The following VKORC1L1 variants were observed in gnomAD, a reference collection of about 807,000 sequenced individuals.
The protein encoded by VKORC1L1 is vitamin K epoxide reductase complex subunit 1L1, also known as vitamin K epoxide reductase complex subunit 1-like protein 1.
VKORC1L1 carries 2 observed loss-of-function variants against 18.9 expected under a neutral mutation model. That is an observed-to-expected ratio of 0.11 (90% CI 0.04 to 0.33). The LOEUF is 0.33. Ranked by LOEUF, VKORC1L1 falls within the 10% of genes least tolerant of loss-of-function variation. The pLI is 1.00. For synonymous variants in VKORC1L1, 96 were observed against 100.0 expected, an observed-to-expected ratio of 0.96 and a Z score of 0.24; for missense variants, 123 against 224.1, an observed-to-expected ratio of 0.55 and a Z score of 2.88.
intron 1 of VKORC1L1, among the ~76,000 whole-genome samples, chr7:65,915,093 CTT>C (rs35662337): frequency 1.1e-4 from 13 of 123,520 alleles, no homozygotes; most frequent in Admixed American, 1.7e-4. Context: ...TTTTTTTTTT[CTT>C]TTTTTTTTTT....
chr7:65,949,341 AGGT>A (rs781648765), intron 2 of VKORC1L1, among the ~76,000 whole-genome samples: 179 of 152,044 alleles, frequency 1.2e-3, no homozygotes, highest in Non-Finnish European at 2.1e-3. Flanking sequence ...TAGCTGGGCG[AGGT>A]GGTGCATGCC....
In VKORC1L1 at chr7:65,901,134, GA is replaced by G. The variant is rs1789308056; in HGVS notation, c.194+27576del. 5.3e-5 allele frequency among the ~76,000 whole-genome samples: 8 copies of G among 152,150 alleles called. No individual in the cohort carries two copies. In the South Asian group the frequency reaches 1.5e-3, roughly 28 times the overall value. On this transcript the variant is annotated intron_variant, in intron 1 of 2. Coordinates refer to ENST00000360768, the MANE Select transcript of VKORC1L1 (RefSeq NM_173517.6). The stretch of plus-strand genomic sequence containing the variant: ...TCAAACTAAGAAGAGTGAATTCCAA[GA>G]AAAAAAGGAGGAAAAATTTTGTTCG...
At chr7:65,938,005 C>G (rs1024302901) in intron 1 of VKORC1L1, among the ~76,000 whole-genome samples, 1 of 150,900 alleles carries the variant, frequency 6.6e-6, no homozygotes, top group African/African-American at 2.5e-5. Flanking sequence ...GTCAGGAGTT[C>G]GAGACCATCC....
chr7:65,903,805 C>G (rs1412219690), intron 1 of VKORC1L1, among the ~76,000 whole-genome samples: 4 of 148,230 alleles, frequency 2.7e-5, no homozygotes, highest in Admixed American at 2.7e-4. Context: ...CCTACTGGAA[C>G]TTGTTGCCAG....
intron 1 of VKORC1L1, among the ~76,000 whole-genome samples, chr7:65,916,328 C>T (rs1203376669): frequency 6.6e-6 from 1 of 151,968 alleles, no homozygotes; most frequent in Non-Finnish European, 1.5e-5. Flanking sequence ...GTTTGATGTG[C>T]TTCAATCCAT....
At position 65,959,406 on chromosome 7, in the gene VKORC1L1, A is replaced by G. The variant is rs974659903; in HGVS notation, c.*5106A>G. 6 of 152,240 alleles carry G rather than the reference A, an allele frequency of 3.9e-5. No homozygotes were observed. The highest frequency in any genetic ancestry group is 1.2e-4 in the African/African-American group (5 of 41,464). 9.4% of individuals were successfully genotyped at this position (152,240 alleles called of 1,614,324 possible). A position where few individuals can be genotyped will look rare whatever the true frequency, so the allele number is the denominator to read the frequency against. On this transcript the variant is annotated 3_prime_UTR_variant, in exon 3 of 3. Coordinates refer to ENST00000360768, the MANE Select transcript of VKORC1L1 (RefSeq NM_173517.6). ...TTGTCAACTAAAAGTTTTATTCATT[A>G]TACTTTGACATACTGGAACACAAAA...
At chr7:65,925,580 G>A (rs187048763) in intron 1 of VKORC1L1, among the ~76,000 whole-genome samples, 1 of 152,216 alleles carries the variant, frequency 6.6e-6, no homozygotes, top group African/African-American at 2.4e-5. Flanking sequence ...TTGAGGGTAG[G>A]GGCTGTCATT....
chr7:65,938,881 C>G (rs752748147), intron 1 of VKORC1L1, among the ~76,000 whole-genome samples: 16 of 152,288 alleles, frequency 1.1e-4, no homozygotes, highest in Middle Eastern at 3.4e-3. Flanking sequence ...TAGACCCAGA[C>G]TCCAAGCACT....
chr7:65,916,841 A>G (rs1789597452), intron 1 of VKORC1L1, among the ~76,000 whole-genome samples: 1 of 152,144 alleles, frequency 6.6e-6, no homozygotes, highest in African/African-American at 2.4e-5. Flanking sequence ...CAGGTGATCC[A>G]CCCACCTTGG....
chr7:65,947,578 A>G (rs1452453156), intron 1 of VKORC1L1, among the ~76,000 whole-genome samples: 2 of 152,222 alleles, frequency 1.3e-5, no homozygotes, highest in Non-Finnish European at 2.9e-5. Flanking sequence ...TGTTAAGTCA[A>G]ATGCAAGATT....
intron 1 of VKORC1L1, among the ~76,000 whole-genome samples, chr7:65,904,443 C>T (rs1407290158): frequency 1.3e-5 from 2 of 151,958 alleles, no homozygotes; most frequent in Admixed American, 6.6e-5. Flanking sequence ...GACCTCAAGT[C>T]ATCTGCCTGC....
At chr7:65,943,242 AT>A (rs779636505) in intron 1 of VKORC1L1, among the ~76,000 whole-genome samples, 3 of 151,980 alleles carry the variant, frequency 2.0e-5, no homozygotes, top group African/African-American at 4.8e-5. Flanking sequence ...ACAAAAAAAA[AT>A]GTTTTAAATT....
Position 65,956,656 on chromosome 7 carries a change from T to A in VKORC1L1, c.*2356T>A, listed in dbSNP as rs1790300581. 1 of 152,224 alleles carries A rather than the reference T, an allele frequency of 6.6e-6. No homozygotes were observed. The highest frequency in any genetic ancestry group is 2.4e-5 in the African/African-American group (1 of 41,452). 9.4% of individuals were successfully genotyped at this position (152,224 alleles called of 1,614,324 possible). Reference sequence around the variant, plus strand: ...CAGCATTGTAATGCCAGTGTCTCAGTAACAGAATCCTGGTGGGTGTTAATT... The same window carrying A: ...CAGCATTGTAATGCCAGTGTCTCAGAAACAGAATCCTGGTGGGTGTTAATT... On this transcript the variant is annotated 3_prime_UTR_variant, in exon 3 of 3. Coordinates refer to ENST00000360768, the MANE Select transcript of VKORC1L1 (RefSeq NM_173517.6).
intron 2 of VKORC1L1, among the ~76,000 whole-genome samples, chr7:65,951,582 A>AT (rs1790214467): frequency 1.3e-5 from 2 of 151,614 alleles, no homozygotes; most frequent in Non-Finnish European, 2.9e-5. Flanking sequence ...AGGAAAAAAA[A>AT]AATATATATA....
At chr7:65,928,111 T>A (rs1012510969) in intron 1 of VKORC1L1, among the ~76,000 whole-genome samples, 7 of 152,182 alleles carry the variant, frequency 4.6e-5, no homozygotes, top group Non-Finnish European at 8.8e-5. Context: ...AATTTTTTTT[T>A]AATGGGAAGA....
At chr7:65,875,803 A>T (rs1302535686) in intron 1 of VKORC1L1, among the ~76,000 whole-genome samples, 1 of 152,170 alleles carries the variant, frequency 6.6e-6, no homozygotes, top group African/African-American at 2.4e-5. Context: ...AGTAGTACTC[A>T]AATATGTGAC....
chr7:65,912,065 A>G (rs1789511103), intron 1 of VKORC1L1, among the ~76,000 whole-genome samples: 1 of 152,216 alleles, frequency 6.6e-6, no homozygotes. Flanking sequence ...CAGAGGTTGC[A>G]GTGAGCCGCT....
chr7:65,873,391 T>C lies in VKORC1L1; in HGVS notation c.20T>C (p.Leu7Pro), dbSNP rs1377825913. MAAPVL[L>P]RVSVPRWERV... ...GGGAAGATGGCGGCTCCCGTCCTGC[T>C]AAGAGTGTCGGTGCCGCGGTGGGAG... The change falls in exon 1 of 3, where the codon CTA becomes CCA. Residue 7 changes from leucine (L) to proline (P), a missense_variant. Transcript: ENST00000360768. The C allele has an allele frequency of 6.4e-7, 1 of 1,563,568 alleles. No individual in the cohort carries two copies. The highest frequency in any genetic ancestry group is 8.6e-7 in the Non-Finnish European group (1 of 1,158,910).
intron 1 of VKORC1L1, among the ~76,000 whole-genome samples, chr7:65,906,770 T>C (rs989011279): frequency 2.0e-5 from 3 of 152,152 alleles, no homozygotes; most frequent in African/African-American, 7.2e-5. Context: ...TAATTCATGG[T>C]TGACTTGACG....
Sources: gnomAD v4.1 joint callset for allele counts (sites outside exome capture counted in the v4.1 genomes callset) on GRCh38, gnomAD v4.1.1 for gene constraint, MANE v1.5 for transcripts, NCBI Gene and HGNC (gene_info 2026-07-23, HGNC 2026-07-21) for gene names.